The following PIGL variants were observed in gnomAD, a reference collection of about 807,000 sequenced individuals.
PIGL encodes N-acetylglucosaminyl-phosphatidylinositol de-N-acetylase.
Under a neutral mutation model 31.1 loss-of-function variants are expected in PIGL, and 22 were observed. That is an observed-to-expected ratio of 0.71 (90% CI 0.51 to 1.01). The LOEUF is 1.01. PIGL is among the 50% of genes least tolerant of loss of function. PIGL has a pLI of 0.00. For synonymous variants in PIGL, 131 were observed against 117.4 expected, an observed-to-expected ratio of 1.12 and a Z score of -0.75; for missense variants, 302 against 315.9, an observed-to-expected ratio of 0.96 and a Z score of 0.33.
intron 2 of PIGL, among the ~76,000 whole-genome samples, chr17:16,255,218 C>A (rs1011030668): frequency 6.6e-6 from 1 of 152,138 alleles, no homozygotes; most frequent in African/African-American, 2.4e-5. Flanking sequence ...GAAAGTTCTT[C>A]TTTTTTCTCT....
At chr17:16,218,313 A>G (rs2092606978) in intron 1 of PIGL, 1 of 152,052 alleles carries the variant, frequency 6.6e-6, no homozygotes, top group Non-Finnish European at 1.5e-5. Context: ...TATCGTTTTT[A>G]CTCGACATTA....
intron 3 of PIGL, among the ~76,000 whole-genome samples, chr17:16,301,186 A>G (rs770541839): frequency 6.6e-6 from 1 of 151,896 alleles, no homozygotes; most frequent in Non-Finnish European, 1.5e-5. Context: ...TCTGTTGCCC[A>G]AGCTGGAGTG....
At chr17:16,315,612 A>C (rs1486832623) in intron 4 of PIGL, among the ~76,000 whole-genome samples, 1 of 151,056 alleles carries the variant, frequency 6.6e-6, no homozygotes, top group African/African-American at 2.4e-5. Flanking sequence ...CAGAATATCC[A>C]CAGGGCTTTG....
intron 1 of PIGL, among the ~76,000 whole-genome samples, chr17:16,225,150 G>A (rs951529144): frequency 6.6e-6 from 1 of 152,102 alleles, no homozygotes; most frequent in Admixed American, 6.6e-5. Context: ...ATGTCATTGT[G>A]TCCATTAATC....
At chr17:16,304,006 G>T (rs115540548) in intron 3 of PIGL, among the ~76,000 whole-genome samples, 1 of 152,064 alleles carries the variant, frequency 6.6e-6, no homozygotes, top group Non-Finnish European at 1.5e-5. Flanking sequence ...AAGCCACTGC[G>T]CCCGGCCTAC....
intron 2 of PIGL, among the ~76,000 whole-genome samples, chr17:16,269,668 T>A (rs941602693): frequency 3.1e-3 from 158 of 51,546 alleles, no homozygotes; most frequent in South Asian, 0.01. Context: ...AAAAAAAAAT[T>A]AGAATTACCT....
intron 6 of PIGL, among the ~76,000 whole-genome samples, chr17:16,322,787 CT>C (rs2093111451): frequency 6.6e-6 from 1 of 152,304 alleles, no homozygotes; most frequent in Admixed American, 6.5e-5. Flanking sequence ...ATGTTCCCAG[CT>C]GTTTCAGCTC....
intron 1 of PIGL, among the ~76,000 whole-genome samples, chr17:16,228,862 G>A (rs1255744653): frequency 1.3e-5 from 2 of 152,080 alleles, no homozygotes; most frequent in Non-Finnish European, 2.9e-5. Context: ...CTATGAATTT[G>A]TCTATTCTAG....
intron 2 of PIGL, among the ~76,000 whole-genome samples, chr17:16,246,285 A>AGGCG (rs2092746564): frequency 6.6e-6 from 1 of 151,144 alleles, no homozygotes; most frequent in African/African-American, 2.4e-5. Context: ...TTTGGGAGGC[A>AGGCG]GGTGGATCAC....
At chr17:16,252,048 G>A (rs187826484) in intron 2 of PIGL, among the ~76,000 whole-genome samples, 2 of 137,460 alleles carry the variant, frequency 1.5e-5, no homozygotes. Flanking sequence ...TTCTCTATGC[G>A]CAGATAATTT....
At chr17:16,231,766 AAC>A (rs1196372528) in intron 1 of PIGL, among the ~76,000 whole-genome samples, 1 of 152,194 alleles carries the variant, frequency 6.6e-6, no homozygotes, top group Non-Finnish European at 1.5e-5. Context: ...CTTATACACA[AAC>A]ACACACATAA....
chr17:16,311,785 G>A (rs374807038), intron 3 of PIGL, among the ~76,000 whole-genome samples: 2 of 152,016 alleles, frequency 1.3e-5, no homozygotes, highest in Non-Finnish European at 2.9e-5. Context: ...GGTAAGGTCA[G>A]AGATCAACAG....
At chr17:16,291,722 A>G (rs9747114) in intron 2 of PIGL, among the ~76,000 whole-genome samples, 82,363 of 151,102 alleles carry the variant, frequency 0.55, 22,900 homozygotes, top group African/African-American at 0.63. Context: ...AAAATTAGCC[A>G]GGCATGATGG....
intron 1 of PIGL, among the ~76,000 whole-genome samples, chr17:16,227,370 C>CA (rs2092656638): frequency 6.6e-6 from 1 of 152,096 alleles, no homozygotes; most frequent in Admixed American, 6.6e-5. Context: ...CTTGGCCTCC[C>CA]AAAGTGCTGG....
chr17:16,301,759 G>C (rs2093005862), intron 3 of PIGL, among the ~76,000 whole-genome samples: 1 of 151,730 alleles, frequency 6.6e-6, no homozygotes, highest in African/African-American at 2.4e-5. Context: ...TTTTAATAGA[G>C]ATGGGGTTCC....
intron 1 of PIGL, among the ~76,000 whole-genome samples, chr17:16,233,747 A>G (rs2092688272): frequency 6.6e-6 from 1 of 152,168 alleles, no homozygotes; most frequent in Non-Finnish European, 1.5e-5. Context: ...ATATAGATAC[A>G]AAGATGGGAA....
In PIGL at chr17:16,299,936, C is replaced by T. The variant is rs752476084; in HGVS notation, c.384C>T (p.Ala128=). The change falls in exon 3 of 7, where the codon GCC becomes GCT. Residue 128 remains alanine, a synonymous_variant. Coordinates refer to ENST00000225609, the MANE Select transcript of PIGL (RefSeq NM_004278.4). ...PGMQWDTEHV[A]RVLLQHIEVN... ...TGCAGTGGGACACAGAGCACGTGGCCAGAGTCCTCCTTCAGCACATAGAAG... is the reference window on the plus strand; with the variant it reads ...TGCAGTGGGACACAGAGCACGTGGCTAGAGTCCTCCTTCAGCACATAGAAG... 53 of 1,613,978 alleles carry T rather than the reference C, an allele frequency of 3.3e-5. No homozygotes were observed. The Admixed American group carries it at 8.0e-4, about 24-fold the overall frequency.
intron 2 of PIGL, among the ~76,000 whole-genome samples, chr17:16,234,843 G>C (rs2092693290): frequency 6.6e-6 from 1 of 152,096 alleles, no homozygotes; most frequent in African/African-American, 2.4e-5. Context: ...CTTCTGTTCG[G>C]ATTTTTTTTC....
chr17:16,218,196 G>A lies in PIGL; in HGVS notation c.235+735G>A, dbSNP rs1362695107. 3 of 152,120 alleles carry A rather than the reference G, an allele frequency of 2.0e-5. No homozygotes were observed. The East Asian group carries it at 5.8e-4, about 29-fold the overall frequency. 9.4% of individuals were successfully genotyped at this position (152,120 alleles called of 1,614,324 possible). The stretch of plus-strand genomic sequence containing the variant: ...GCATGTCAAAGTATACCTCAATAAA[G>A]CTATTTTTTTAAATTGCCCATGACC... On this transcript the variant is annotated intron_variant, in intron 1 of 6. Transcript: ENST00000225609.
Sources: allele counts gnomAD v4.1 joint callset (sites outside exome capture counted in the v4.1 genomes callset), GRCh38; gene constraint gnomAD v4.1.1; transcripts MANE v1.5; gene names NCBI Gene and HGNC (gene_info 2026-07-23, HGNC 2026-07-21).